Variants in ADGRB3 observed in about 807,000 individuals in gnomAD.
ADGRB3 encodes the protein brain-specific angiogenesis inhibitor 3.
A neutral mutation model predicts 193.4 loss-of-function variants in ADGRB3; 37 were observed. The observed-to-expected ratio is 0.19, with a 90% CI of 0.15 to 0.25. The LOEUF (loss-of-function observed/expected upper bound fraction) is 0.25. ADGRB3 is among the 10% of genes least tolerant of loss of function. The pLI is 1.00. For synonymous variants in ADGRB3, 690 were observed against 644.2 expected (o/e 1.07, Z -1.08); for missense variants, 1,637 against 1,852.9 (o/e 0.88, Z 2.14).
intron 15 of ADGRB3, among the ~76,000 whole-genome samples, chr6:69,049,715 C>T (rs189536355): frequency 1.9e-3 from 290 of 152,106 alleles, no homozygotes; most frequent in South Asian, 0.01. Flanking sequence ...ATCAACATGA[C>T]GTGAAATTAA....
chr6:68,929,205 T>C (rs1304616364), intron 3 of ADGRB3, among the ~76,000 whole-genome samples: 1 of 152,182 alleles, frequency 6.6e-6, no homozygotes. Context: ...TCTAAGCAAA[T>C]GAATTTTTAA....
At chr6:69,347,514 C>T (rs1039908192) in intron 26 of ADGRB3, among the ~76,000 whole-genome samples, 3 of 152,122 alleles carry the variant, frequency 2.0e-5, no homozygotes, top group African/African-American at 7.2e-5. Flanking sequence ...TGGCTCATGC[C>T]TGTAATCCTA....
chr6:69,340,216 C>T (rs1488292772), intron 26 of ADGRB3, among the ~76,000 whole-genome samples: 2 of 152,146 alleles, frequency 1.3e-5, no homozygotes, highest in East Asian at 3.8e-4. Context: ...TGAATGCAGA[C>T]ACTAACTAGC....
chr6:68,788,699 TG>T (rs1448646145), intron 3 of ADGRB3, among the ~76,000 whole-genome samples: 1 of 152,226 alleles, frequency 6.6e-6, no homozygotes, highest in Non-Finnish European at 1.5e-5. Flanking sequence ...GTTCAATTCC[TG>T]GGTATCCTTG....
At chr6:69,172,041 C>T (rs901741955) in intron 17 of ADGRB3, among the ~76,000 whole-genome samples, 1 of 152,100 alleles carries the variant, frequency 6.6e-6, no homozygotes, top group Non-Finnish European at 1.5e-5. Context: ...CTTTCTTGAC[C>T]ATGGTGCAAC....
At chr6:68,685,462 AAGAC>A (rs1288690647) in intron 3 of ADGRB3, among the ~76,000 whole-genome samples, 11 of 152,114 alleles carry the variant, frequency 7.2e-5, no homozygotes, top group African/African-American at 2.7e-4. Context: ...AAAAAATAGA[AAGAC>A]AGACAATGGG....
chr6:68,988,132 C>A lies in ADGRB3; in HGVS notation c.1735-5636C>A, dbSNP rs186812588. Among the ~76,000 whole-genome samples, 226 of 152,072 alleles carry A rather than the reference C, an allele frequency of 1.5e-3. 2 individuals carry two copies. Among genetic ancestry groups the A allele is most frequent in the Non-Finnish European group, 1.6e-3 (110 of 67,976 alleles). On this transcript the variant is annotated intron_variant, in intron 10 of 31. Coordinates refer to ENST00000370598, the MANE Select transcript of ADGRB3 (RefSeq NM_001704.3). ...ACAGGTACTTTTGTGTGTCACATAG[C>A]GTTTTAGAGATTATAGTGGAAACAA...
intron 17 of ADGRB3, among the ~76,000 whole-genome samples, chr6:69,220,172 T>C (rs779470): frequency 0.098 from 14,985 of 152,134 alleles, 841 homozygotes; most frequent in Middle Eastern, 0.11. Context: ...GTACTTTGCT[T>C]TCTGAAATCT....
intron 20 of ADGRB3, among the ~76,000 whole-genome samples, chr6:69,312,424 G>T (rs111674341): frequency 2.0e-5 from 3 of 151,636 alleles, no homozygotes; most frequent in Non-Finnish European, 4.4e-5. Flanking sequence ...GGCAAATAGG[G>T]ATTTGAAATA....
chr6:68,866,594 G>C (rs1261931509), intron 3 of ADGRB3, among the ~76,000 whole-genome samples: 1 of 152,178 alleles, frequency 6.6e-6, no homozygotes, highest in African/African-American at 2.4e-5. Context: ...GAACAGTTTG[G>C]AGGGCTCAGA....
chr6:69,232,543 C>G, intron 17 of ADGRB3: 4 of 1,535,626 alleles, frequency 2.6e-6, no homozygotes, highest in Non-Finnish European at 3.5e-6. Flanking sequence ...TGCTTCTGCC[C>G]CAGGGCAAAG....
chr6:69,294,283 G>A (rs1020849911), intron 20 of ADGRB3, among the ~76,000 whole-genome samples: 1 of 151,910 alleles, frequency 6.6e-6, no homozygotes, highest in Non-Finnish European at 1.5e-5. Context: ...AGATTCAGAG[G>A]TATAAAATGT....
chr6:68,822,511 A>G (rs1474675181), intron 3 of ADGRB3, among the ~76,000 whole-genome samples: 1 of 151,948 alleles, frequency 6.6e-6, no homozygotes, highest in Non-Finnish European at 1.5e-5. Flanking sequence ...GTAGCTTAAA[A>G]GCTGTCTTCA....
At chr6:68,964,230 A>G (rs1768314524) in intron 8 of ADGRB3, among the ~76,000 whole-genome samples, 4 of 152,166 alleles carry the variant, frequency 2.6e-5, no homozygotes, top group Admixed American at 2.6e-4. Flanking sequence ...TAGGAAAAAT[A>G]TATGTTTCTA....
intron 3 of ADGRB3, among the ~76,000 whole-genome samples, chr6:68,771,830 G>T (rs936396646): frequency 7.2e-5 from 11 of 152,080 alleles, no homozygotes; most frequent in Non-Finnish European, 1.5e-4. Context: ...GGGAAGGAAA[G>T]GTTGCAGAAC....
At chr6:68,979,279 T>A (rs974201384) in intron 10 of ADGRB3, among the ~76,000 whole-genome samples, 3 of 151,494 alleles carry the variant, frequency 2.0e-5, no homozygotes, top group Non-Finnish European at 4.4e-5. Context: ...ACACCAGACT[T>A]AATGTTTATG....
intron 20 of ADGRB3, among the ~76,000 whole-genome samples, chr6:69,314,266 A>T (rs1402844567): frequency 6.6e-6 from 1 of 151,686 alleles, no homozygotes; most frequent in African/African-American, 2.4e-5. Context: ...GCTGACATAT[A>T]TCTAACACTT....
At chr6:68,803,098 A>G (rs1767342301) in intron 3 of ADGRB3, among the ~76,000 whole-genome samples, 1 of 151,780 alleles carries the variant, frequency 6.6e-6, no homozygotes, top group Non-Finnish European at 1.5e-5. Context: ...TGTATATATG[A>G]CACATTTTCT....
chr6:69,280,806 G>A (rs1369297051), intron 20 of ADGRB3, among the ~76,000 whole-genome samples: 1 of 151,868 alleles, frequency 6.6e-6, no homozygotes, highest in Admixed American at 6.6e-5. Flanking sequence ...ACCTCAGGCA[G>A]GCTTTAATGG....
Sources: allele counts gnomAD v4.1 joint callset (sites outside exome capture counted in the v4.1 genomes callset), GRCh38; gene constraint gnomAD v4.1.1; transcripts MANE v1.5; gene names NCBI Gene and HGNC (gene_info 2026-07-23, HGNC 2026-07-21).